LANCL2: variants seen among roughly 807,000 people sequenced by gnomAD.
LANCL2 encodes LanC like glutathione S-transferase 2, also known as lanC-like protein 2.
In LANCL2, 33 loss-of-function variants were observed where a neutral mutation model predicts 56.9. The ratio of observed to expected loss-of-function variants is 0.58; its 90% CI spans 0.44 to 0.78. The LOEUF is 0.78. Among genes scored for constraint, LANCL2 ranks in the 30% least tolerant of loss-of-function variants. LANCL2 has a pLI of 0.00. For missense variants in LANCL2, 562 were observed against 580.2 expected (o/e 0.97, Z 0.32); for synonymous variants, 233 against 228.2 (o/e 1.02, Z -0.19).
chr7:55,407,996 C>G (rs898316598), intron 5 of LANCL2, among the ~76,000 whole-genome samples: 5 of 152,156 alleles, frequency 3.3e-5, no homozygotes, highest in African/African-American at 1.2e-4. Context: ...AAAGCCCCAG[C>G]TTGAAAGATG....
At chr7:55,406,596 T>TG (rs767075428) in intron 5 of LANCL2, among the ~76,000 whole-genome samples, 12 of 152,168 alleles carry the variant, frequency 7.9e-5, no homozygotes, top group Non-Finnish European at 1.5e-4. Flanking sequence ...CTCAGTGAGT[T>TG]GGGGGCTTAG....
rs1790740526 is a variant in LANCL2 at position 55,432,463 on chromosome 7, G to GCCTACCTT, written c.*1145_*1152dup. ...AAAATGTGAGCAGTAATTTGGGTTA[G>GCCTACCTT]CCTACCTTCATTAATTCTATCACAT... On this transcript the variant is annotated 3_prime_UTR_variant, in exon 9 of 9. Coordinates refer to ENST00000254770, the MANE Select transcript of LANCL2 (RefSeq NM_018697.4). 1 of 152,216 alleles carries GCCTACCTT rather than the reference G, an allele frequency of 6.6e-6. No homozygotes were observed. The highest frequency in any genetic ancestry group is 2.4e-5 in the African/African-American group (1 of 41,446). 9.4% of individuals were successfully genotyped at this position (152,216 alleles called of 1,614,324 possible).
intron 8 of LANCL2, among the ~76,000 whole-genome samples, chr7:55,429,441 G>C (rs1012732402): frequency 5.9e-5 from 9 of 152,306 alleles, no homozygotes; most frequent in African/African-American, 2.2e-4. Flanking sequence ...ACGTACATGT[G>C]GTGAAATGCA....
chr7:55,389,578 A>G (rs1447175683), intron 1 of LANCL2, among the ~76,000 whole-genome samples: 3 of 152,046 alleles, frequency 2.0e-5, no homozygotes. Context: ...ATGTTAATTA[A>G]TTTTGTCCAG....
At chr7:55,402,935 G>A (rs1035539542) in intron 5 of LANCL2, among the ~76,000 whole-genome samples, 43 of 147,498 alleles carry the variant, frequency 2.9e-4, no homozygotes, top group African/African-American at 4.5e-4. Context: ...GCTGGGCAGA[G>A]ATGCTCCTCA....
rs1412335620 is a variant in LANCL2, at chr7:55,402,765, G to C, written c.825+1445G>C. Among the ~76,000 whole-genome samples, 5 of 122,652 alleles carry C rather than the reference G, an allele frequency of 4.1e-5. 1 individual carries two copies. The highest frequency in any genetic ancestry group is 8.9e-5 in the Non-Finnish European group (5 of 56,488). 80.5% of individuals were successfully genotyped at this position (122,652 alleles called of 152,430 possible). ...GAGACGCTCCTCACTTCTCAGACGGGGCGGTTGCCGGGCGGAGGGTCTCCT... is the reference window on the plus strand; with the variant it reads ...GAGACGCTCCTCACTTCTCAGACGGCGCGGTTGCCGGGCGGAGGGTCTCCT... On this transcript the variant is annotated intron_variant, in intron 5 of 8. Coordinates refer to ENST00000254770, the MANE Select transcript of LANCL2 (RefSeq NM_018697.4).
intron 2 of LANCL2, chr7:55,393,926 A>G (rs944290488): frequency 6.6e-6 from 1 of 152,248 alleles, no homozygotes; most frequent in African/African-American, 2.4e-5. Flanking sequence ...TAACATAGCT[A>G]TTAGTCTCAA....
chr7:55,377,128 T>G (rs897532150), intron 1 of LANCL2, among the ~76,000 whole-genome samples: 1 of 152,230 alleles, frequency 6.6e-6, no homozygotes, highest in Non-Finnish European at 1.5e-5. Flanking sequence ...TGTAAAATTG[T>G]AAAAATTTAT....
At chr7:55,368,899 C>T (rs1789905925) in intron 1 of LANCL2, among the ~76,000 whole-genome samples, 1 of 152,116 alleles carries the variant, frequency 6.6e-6, no homozygotes, top group Non-Finnish European at 1.5e-5. Context: ...AATACCAGCA[C>T]TTTGGGAGGT....
intron 5 of LANCL2, among the ~76,000 whole-genome samples, chr7:55,407,928 G>A (rs549732282): frequency 2.0e-5 from 3 of 152,260 alleles, no homozygotes; most frequent in Admixed American, 6.5e-5. Flanking sequence ...TGAGGACAGC[G>A]AGGAGCTGTG....
intron 1 of LANCL2, among the ~76,000 whole-genome samples, chr7:55,369,784 G>T (rs936921931): frequency 4.6e-5 from 7 of 152,146 alleles, no homozygotes; most frequent in Non-Finnish European, 7.4e-5. Context: ...TTAACTTAAA[G>T]AATTGTTATG....
rs1389209230 is a variant in LANCL2, at chr7:55,433,737, A to G, written c.*2417A>G. On this transcript the variant is annotated 3_prime_UTR_variant, in exon 9 of 9. Coordinates refer to ENST00000254770, the MANE Select transcript of LANCL2 (RefSeq NM_018697.4). ...AAAGCCAGTTCTGTGGTGATGACCT[A>G]TGGAATCGTCATTCGTTTTCATTTC... is the stretch of plus-strand genomic sequence containing the variant. 1.3e-5 allele frequency: 2 copies of G among 152,212 alleles called. No homozygotes were observed. The highest frequency in any genetic ancestry group is 2.4e-5 in the African/African-American group (1 of 41,458). 9.4% of individuals were successfully genotyped at this position (152,212 alleles called of 1,614,324 possible). A position where few individuals can be genotyped will look rare whatever the true frequency, so the allele number is the denominator to read the frequency against.
chr7:55,370,419 G>A (rs1789930177), intron 1 of LANCL2, among the ~76,000 whole-genome samples: 1 of 152,190 alleles, frequency 6.6e-6, no homozygotes, highest in Admixed American at 6.5e-5. Flanking sequence ...TTATACAGGA[G>A]CATAAATACC....
chr7:55,402,101 C>A (rs1278900889), intron 5 of LANCL2, among the ~76,000 whole-genome samples: 3 of 91,726 alleles, frequency 3.3e-5, no homozygotes, highest in African/African-American at 4.1e-5. Flanking sequence ...GGGCTCCTCA[C>A]TTCCCAGTAG....
intron 6 of LANCL2, among the ~76,000 whole-genome samples, chr7:55,420,609 G>A (rs149785779): frequency 6.6e-6 from 1 of 152,206 alleles, no homozygotes; most frequent in Non-Finnish European, 1.5e-5. Context: ...CGAACTTCCT[G>A]TAATGACCCA....
chr7:55,431,083 T>C (rs1790722088), intron 8 of LANCL2, 143 bp from the exon 9 acceptor site: 3 of 460,106 alleles, frequency 6.5e-6, no homozygotes, highest in African/African-American at 4.0e-5. Context: ...AAGGATATCT[T>C]TGGTTTTTAA....
At chr7:55,429,981 G>A (rs1236470285) in intron 8 of LANCL2, among the ~76,000 whole-genome samples, 1 of 152,236 alleles carries the variant, frequency 6.6e-6, no homozygotes, top group Non-Finnish European at 1.5e-5. Flanking sequence ...CCACTGGGAG[G>A]GCTCACTGGC....
intron 1 of LANCL2, among the ~76,000 whole-genome samples, chr7:55,391,121 A>C (rs934826754): frequency 1.4e-5 from 2 of 145,916 alleles, no homozygotes; most frequent in Non-Finnish European, 3.0e-5. Context: ...GGTTCACGCC[A>C]TTCTCCTGCC....
intron 2 of LANCL2, chr7:55,397,170 A>C (rs1790262751): frequency 6.6e-6 from 1 of 152,238 alleles, no homozygotes; most frequent in Admixed American, 6.5e-5. Flanking sequence ...AAATTTAAAA[A>C]GCAAAATGAG....
Sources: gnomAD v4.1 joint callset for allele counts (sites outside exome capture counted in the v4.1 genomes callset) on GRCh38, gnomAD v4.1.1 for gene constraint, MANE v1.5 for transcripts, NCBI Gene and HGNC (gene_info 2026-07-23, HGNC 2026-07-21) for gene names.